Variants in FRAS1 observed in about 807,000 individuals in gnomAD.
FRAS1 encodes the protein Fraser extracellular matrix complex subunit 1, also known as extracellular matrix organizing protein FRAS1.
Under a neutral mutation model 435.2 loss-of-function variants are expected in FRAS1, and 290 were observed. The ratio of observed to expected loss-of-function variants is 0.67; its 90% CI spans 0.61 to 0.73. The LOEUF (loss-of-function observed/expected upper bound fraction) is 0.73, where lower values mean the gene tolerates loss of function less well. Among genes scored for constraint, FRAS1 ranks in the 30% least tolerant of loss-of-function variants. The pLI is 0.00. For synonymous variants in FRAS1, 1,800 were observed against 1,851.0 expected (o/e 0.97, Z 0.71); for missense variants, 4,860 against 5,001.5 (o/e 0.97, Z 0.85).
chr4:78,139,067 A>G (rs13136410), intron 2 of FRAS1, among the ~76,000 whole-genome samples: 24,630 of 152,158 alleles, frequency 0.16, 2,190 homozygotes, highest in Admixed American at 0.2. Context: ...GGGCTCATAG[A>G]CTTGCCTCAT....
At chr4:78,202,427 A>G (rs1464879155) in intron 2 of FRAS1, among the ~76,000 whole-genome samples, 1 of 152,210 alleles carries the variant, frequency 6.6e-6, no homozygotes, top group African/African-American at 2.4e-5. Flanking sequence ...GCCATGGCTC[A>G]TGCCTGTAAT....
chr4:78,404,225 A>T (rs769275337), intron 30 of FRAS1, among the ~76,000 whole-genome samples: 3 of 152,180 alleles, frequency 2.0e-5, no homozygotes, highest in Non-Finnish European at 4.4e-5. Flanking sequence ...GGAGATTCAA[A>T]TGATATTCCA....
At chr4:78,094,286 T>C (rs954943715) in intron 2 of FRAS1, among the ~76,000 whole-genome samples, 2 of 151,922 alleles carry the variant, frequency 1.3e-5, no homozygotes, top group African/African-American at 4.8e-5. Flanking sequence ...AAAATGAAAA[T>C]GTTGGCAAAT....
At chr4:78,065,247 G>C (rs1453970992) in intron 1 of FRAS1, among the ~76,000 whole-genome samples, 2 of 147,026 alleles carry the variant, frequency 1.4e-5, no homozygotes, top group Non-Finnish European at 3.0e-5. Flanking sequence ...GGGTATACAT[G>C]TGTATATATA....
rs1725055562 is a variant in FRAS1 at position 78,242,642 on chromosome 4, G to A, written c.217-2591G>A. Among the ~76,000 whole-genome samples, 3 of 152,128 alleles carry A rather than the reference G, an allele frequency of 2.0e-5. No individual in the cohort carries two copies. In the South Asian group the frequency reaches 6.2e-4, roughly 32 times the overall value. ...GGAGAGACGGGGTTTCACCATGATG[G>A]CCAGGCTGGTCTCTAACTCCTGACC... is the stretch of plus-strand genomic sequence containing the variant. On this transcript the variant is annotated intron_variant, in intron 3 of 73. Coordinates refer to ENST00000512123, the MANE Select transcript of FRAS1 (RefSeq NM_025074.7).
rs1334274122 is a variant in FRAS1, at chr4:78,193,685, A to T, written c.109-43825A>T. 5.3e-5 allele frequency among the ~76,000 whole-genome samples: 8 copies of T among 152,206 alleles called. No homozygotes were observed. The East Asian group carries it at 1.4e-3, about 26-fold the overall frequency. On this transcript the variant is annotated intron_variant, in intron 2 of 73. Coordinates refer to ENST00000512123, the MANE Select transcript of FRAS1 (RefSeq NM_025074.7). ...TGTGTCCCTGCACGTGAGATGGGTT[A>T]CCTGAATACAGCACACTGATGGGTC...
intron 3 of FRAS1, among the ~76,000 whole-genome samples, chr4:78,240,984 G>T (rs1256025093): frequency 2.0e-5 from 3 of 152,128 alleles, no homozygotes; most frequent in African/African-American, 7.2e-5. Flanking sequence ...ACTTAATATG[G>T]CCCTTCAGAT....
intron 5 of FRAS1, among the ~76,000 whole-genome samples, chr4:78,254,131 C>T (rs1324145788): frequency 6.6e-6 from 1 of 152,004 alleles, no homozygotes. Flanking sequence ...TCCTCAGAAT[C>T]CACGCTTGTT....
At chr4:78,160,407 C>T (rs576546584) in intron 2 of FRAS1, among the ~76,000 whole-genome samples, 5 of 152,274 alleles carry the variant, frequency 3.3e-5, no homozygotes, top group South Asian at 2.1e-4. Flanking sequence ...TAGGAAAATC[C>T]GACTTTCTGA....
In FRAS1 at chr4:78,488,777, C is replaced by T. The variant is rs1720250050; in HGVS notation, c.8753-98C>T. 5 of 1,102,174 alleles carry T rather than the reference C, an allele frequency of 4.5e-6. No homozygotes were observed. The African/African-American group carries it at 6.2e-5, about 14-fold the overall frequency. The allele number at this position is 1,102,174 out of a possible 1,614,324, so 68.3% of individuals were successfully genotyped here. On this transcript the variant is annotated intron_variant, in intron 58 of 73. Transcript: ENST00000512123. ...GCCTACCTTGGGCTTTGGTGGAGCT[C>T]ACCTGCCAAAATAGCTGCTGAAGGC...
chr4:78,465,480 A>G (rs35243121), intron 49 of FRAS1, among the ~76,000 whole-genome samples: 49,583 of 152,212 alleles, frequency 0.33, 8,811 homozygotes, highest in Admixed American at 0.41. Context: ...TAGCAAAGAC[A>G]TTATTAAGCA....
intron 20 of FRAS1, among the ~76,000 whole-genome samples, chr4:78,342,994 C>CT (rs926748831): frequency 6.6e-6 from 1 of 152,074 alleles, no homozygotes; most frequent in African/African-American, 2.4e-5. Flanking sequence ...AAGAAATATA[C>CT]TTTGAGTATT....
At position 78,522,634 on chromosome 4, in the gene FRAS1, T is replaced by A; in HGVS notation, c.10649-15T>A. 6.3e-7 allele frequency: 1 copy of A among 1,588,764 alleles called. No homozygotes were observed. Among genetic ancestry groups the A allele is most frequent in the South Asian group, 1.1e-5 (1 of 87,220 alleles). ...CCACAAGTACATTAAATGCATGTGT[T>A]TCCCCTTCAAATAGGACAGTTTGTG... On this transcript the variant is annotated splice_polypyrimidine_tract_variant and intron_variant, in intron 68 of 73. Transcript: ENST00000512123.
At chr4:78,319,246 A>C in intron 18 of FRAS1, 1 of 528,772 alleles carries the variant, frequency 1.9e-6, no homozygotes, top group Non-Finnish European at 3.5e-6. Context: ...AGTCCCAGAC[A>C]GAAATTCTTT....
chr4:78,278,499 A>G lies in FRAS1; in HGVS notation c.982-156A>G, dbSNP rs566041961. On this transcript the variant is annotated intron_variant, in intron 9 of 73. Transcript: ENST00000512123. ...TGTGTGGACTACACTTCCTATTGGA[A>G]GACAGGACAGGGGGAGATGAAACAG... Among the ~76,000 whole-genome samples the G allele has an allele frequency of 1.6e-4, 25 of 152,340 alleles. 1 individual carries two copies. The South Asian group carries it at 5.2e-3, about 32-fold the overall frequency.
intron 2 of FRAS1, among the ~76,000 whole-genome samples, chr4:78,219,514 A>G (rs536521509): frequency 1.3e-5 from 2 of 152,372 alleles, no homozygotes; most frequent in East Asian, 3.9e-4. Context: ...CAGATAGTAT[A>G]TATTACTAAA....
At chr4:78,153,368 G>A (rs564180165) in intron 2 of FRAS1, among the ~76,000 whole-genome samples, 1 of 152,254 alleles carries the variant, frequency 6.6e-6, no homozygotes, top group East Asian at 1.9e-4. Flanking sequence ...AACTTCTGTG[G>A]AATTGAATTG....
intron 53 of FRAS1, among the ~76,000 whole-genome samples, chr4:78,474,461 C>T (rs1240404903): frequency 4.6e-5 from 7 of 152,038 alleles, no homozygotes; most frequent in Non-Finnish European, 7.4e-5. Flanking sequence ...TTCATGTGCC[C>T]CAAATTCAGG....
intron 31 of FRAS1, among the ~76,000 whole-genome samples, chr4:78,412,371 A>G (rs1217019919): frequency 6.6e-6 from 1 of 152,220 alleles, no homozygotes; most frequent in African/African-American, 2.4e-5. Context: ...AGAAAAAGCA[A>G]CATTCTTCAG....
Sources: allele counts gnomAD v4.1 joint callset (sites outside exome capture counted in the v4.1 genomes callset), GRCh38; gene constraint gnomAD v4.1.1; transcripts MANE v1.5; gene names NCBI Gene and HGNC (gene_info 2026-07-23, HGNC 2026-07-21).